CADM2: variants seen among roughly 807,000 people sequenced by gnomAD.
CADM2 encodes the protein cell adhesion molecule 2.
CADM2 carries 12 observed loss-of-function variants against 49.8 expected under a neutral mutation model. The ratio of observed to expected loss-of-function variants is 0.24; its 90% CI spans 0.15 to 0.39. The LOEUF is 0.39. Among genes scored for constraint, CADM2 ranks in the 10% least tolerant of loss-of-function variants. CADM2 has a pLI of 1.00. For synonymous variants in CADM2, 214 were observed against 175.4 expected, an observed-to-expected ratio of 1.22 and a Z score of -1.74; for missense variants, 378 against 492.3, an observed-to-expected ratio of 0.77 and a Z score of 2.20.
rs557983974 is a variant in CADM2, at chr3:85,877,832, A to G, written c.239-5459A>G. Among the ~76,000 whole-genome samples the G allele has an allele frequency of 8.2e-4, 124 of 152,078 alleles. 1 individual carries two copies. In the South Asian group the frequency reaches 0.011, roughly 14 times the overall value. Reference sequence around the variant, plus strand: ...GAGTTTAGCTCTCAGTTTCAATTCAATAGCTACTCACTGAATGCCTACTGT... The same window carrying G: ...GAGTTTAGCTCTCAGTTTCAATTCAGTAGCTACTCACTGAATGCCTACTGT... On this transcript the variant is annotated intron_variant, in intron 3 of 9. Transcript: ENST00000383699.
intron 1 of CADM2, among the ~76,000 whole-genome samples, chr3:85,276,620 T>G (rs562323138): frequency 6.6e-6 from 1 of 151,236 alleles, no homozygotes; most frequent in Non-Finnish European, 1.5e-5. Flanking sequence ...ACTATTAGGC[T>G]AATGTAAATG....
intron 1 of CADM2, among the ~76,000 whole-genome samples, chr3:85,722,581 TTGACGAATAAC>T (rs2067547205): frequency 6.6e-6 from 1 of 152,220 alleles, no homozygotes; most frequent in African/African-American, 2.4e-5. Flanking sequence ...AAATGTTTCC[TTGACGAATAAC>T]TTTCTAACAA....
intron 3 of CADM2, among the ~76,000 whole-genome samples, chr3:85,868,345 A>C (rs986661340): frequency 3.3e-5 from 5 of 152,052 alleles, no homozygotes; most frequent in Non-Finnish European, 7.4e-5. Flanking sequence ...ATTTATTTAT[A>C]CTTTTGCATT....
At chr3:86,012,832 G>A (rs1270359677) in intron 8 of CADM2, 4 of 534,394 alleles carry the variant, frequency 7.5e-6, no homozygotes, top group African/African-American at 3.9e-5. Flanking sequence ...AAAATTAGCC[G>A]GGAGCGGTGG....
intron 8 of CADM2, among the ~76,000 whole-genome samples, chr3:86,019,829 G>A (rs1360477665): frequency 2.6e-5 from 4 of 152,078 alleles, no homozygotes; most frequent in African/African-American, 9.7e-5. Flanking sequence ...TGCAAACAGG[G>A]ACAATTTGAC....
intron 1 of CADM2, among the ~76,000 whole-genome samples, chr3:85,363,943 C>T (rs2032553226): frequency 6.6e-6 from 1 of 152,132 alleles, no homozygotes. Context: ...ACAGTAGAAG[C>T]ATTTGAGAGA....
chr3:85,876,680 G>T (rs529561841), intron 3 of CADM2, among the ~76,000 whole-genome samples: 1 of 152,212 alleles, frequency 6.6e-6, no homozygotes, highest in East Asian at 1.9e-4. Context: ...CCAGCAAGGA[G>T]TATGTGATCA....
rs1739558660 is a variant in CADM2, at chr3:86,068,471, A to G, written c.*1688A>G. The G allele has an allele frequency of 6.6e-6, 1 of 152,016 alleles. No homozygotes were observed. The highest frequency in any genetic ancestry group is 6.6e-5 in the Admixed American group (1 of 15,246). The allele number at this position is 152,016 out of a possible 1,614,324, so 9.4% of individuals were successfully genotyped here. ...TAGCTATACTTGTGATGTCTGACGC[A>G]TGATGGCCTATGGTTTTAAAAATAG... On this transcript the variant is annotated 3_prime_UTR_variant, in exon 10 of 10. Coordinates refer to ENST00000383699, the MANE Select transcript of CADM2 (RefSeq NM_001167675.2).
chr3:85,955,031 G>T (rs1659139882), intron 7 of CADM2, among the ~76,000 whole-genome samples: 1 of 151,244 alleles, frequency 6.6e-6, no homozygotes, highest in Non-Finnish European at 1.5e-5. Context: ...AAAGCCAGTA[G>T]ACATCTTCCT....
intron 1 of CADM2, among the ~76,000 whole-genome samples, chr3:85,359,706 A>G (rs2032213067): frequency 9.4e-6 from 1 of 106,048 alleles, no homozygotes; most frequent in South Asian, 3.1e-4. Flanking sequence ...AAGAAAAGGG[A>G]GGCTAGGATT....
chr3:85,477,747 T>A (rs193048825), intron 1 of CADM2, among the ~76,000 whole-genome samples: 2 of 151,834 alleles, frequency 1.3e-5, no homozygotes, highest in African/African-American at 2.4e-5. Context: ...CCTCTCACCT[T>A]CTGTAGGGAT....
At chr3:85,787,399 A>T (rs948953681) in intron 2 of CADM2, among the ~76,000 whole-genome samples, 8 of 152,116 alleles carry the variant, frequency 5.3e-5, no homozygotes, top group Non-Finnish European at 1.0e-4. Flanking sequence ...TTGATTGTAA[A>T]CACAATTTTT....
chr3:85,754,113 G>A (rs1312840984), intron 2 of CADM2, among the ~76,000 whole-genome samples: 6 of 152,158 alleles, frequency 3.9e-5, no homozygotes, highest in Admixed American at 1.3e-4. Flanking sequence ...CACTTGAGGT[G>A]TTCTTCCCTT....
At chr3:85,702,449 A>C (rs1339887249) in intron 1 of CADM2, among the ~76,000 whole-genome samples, 5 of 152,168 alleles carry the variant, frequency 3.3e-5, no homozygotes, top group African/African-American at 1.2e-4. Flanking sequence ...AAGGTTCAAC[A>C]TGAACCCTCA....
intron 1 of CADM2, among the ~76,000 whole-genome samples, chr3:85,334,653 G>A (rs1468736060): frequency 6.6e-6 from 1 of 151,476 alleles, no homozygotes; most frequent in Non-Finnish European, 1.5e-5. Flanking sequence ...ATCTGTTAAA[G>A]AAGATTACAA....
At chr3:85,452,060 C>T (rs2037771552) in intron 1 of CADM2, among the ~76,000 whole-genome samples, 1 of 152,104 alleles carries the variant, frequency 6.6e-6, no homozygotes, top group Non-Finnish European at 1.5e-5. Context: ...TTCTGTAAGG[C>T]TTCTCATGTG....
At chr3:85,835,885 T>C (rs1300494543) in intron 3 of CADM2, among the ~76,000 whole-genome samples, 1 of 150,934 alleles carries the variant, frequency 6.6e-6, no homozygotes, top group African/African-American at 2.4e-5. Flanking sequence ...TTAGGTCTTT[T>C]CATGTTACTC....
chr3:85,784,987 G>A (rs1332789143), intron 2 of CADM2, among the ~76,000 whole-genome samples: 1 of 151,996 alleles, frequency 6.6e-6, no homozygotes, highest in African/African-American at 2.4e-5. Flanking sequence ...TTCAGATTTT[G>A]TATTTCTTCA....
At chr3:85,836,410 A>G (rs1289388452) in intron 3 of CADM2, among the ~76,000 whole-genome samples, 1 of 151,698 alleles carries the variant, frequency 6.6e-6, no homozygotes, top group Non-Finnish European at 1.5e-5. Context: ...TGCTAACAAT[A>G]ATTAAAATTT....
Sources: allele counts gnomAD v4.1 joint callset (sites outside exome capture counted in the v4.1 genomes callset), GRCh38; gene constraint gnomAD v4.1.1; transcripts MANE v1.5; gene names NCBI Gene and HGNC (gene_info 2026-07-23, HGNC 2026-07-21).